Variants in SPRED1 observed in about 807,000 individuals in gnomAD.
The protein encoded by SPRED1 is sprouty related EVH1 domain containing 1.
SPRED1 carries 18 observed loss-of-function variants against 52.3 expected under a neutral mutation model. The ratio of observed to expected loss-of-function variants is 0.34; its 90% CI spans 0.24 to 0.51. The LOEUF (loss-of-function observed/expected upper bound fraction) is 0.51. SPRED1 is among the 20% of genes least tolerant of loss of function. The pLI is 0.97. For synonymous variants in SPRED1, 155 were observed against 179.7 expected, an observed-to-expected ratio of 0.86 and a Z score of 1.10; for missense variants, 485 against 551.0, an observed-to-expected ratio of 0.88 and a Z score of 1.20.
intron 5 of SPRED1, among the ~76,000 whole-genome samples, chr15:38,340,100 A>T (rs963294237): frequency 6.6e-6 from 1 of 152,174 alleles, no homozygotes; most frequent in Non-Finnish European, 1.5e-5. Flanking sequence ...ATAAAGTCCT[A>T]TATGGGTGTA....
intron 4 of SPRED1, among the ~76,000 whole-genome samples, chr15:38,331,507 A>T (rs542195889): frequency 2.6e-5 from 4 of 152,150 alleles, no homozygotes; most frequent in Admixed American, 6.6e-5. Context: ...CCAAATTAAG[A>T]AAGTGTTTTG....
chr15:38,350,980 C>T (rs1888470090), intron 6 of SPRED1, 34 bp from the exon 7 acceptor site: 1 of 1,595,404 alleles, frequency 6.3e-7, no homozygotes, highest in Non-Finnish European at 8.5e-7. Flanking sequence ...ACCATCATAG[C>T]CCTCATTGCA....
At chr15:38,298,142 A>T (rs751904735) in intron 1 of SPRED1, among the ~76,000 whole-genome samples, 3 of 152,214 alleles carry the variant, frequency 2.0e-5, no homozygotes, top group Non-Finnish European at 4.4e-5. Flanking sequence ...TGGAAATAGA[A>T]ATTTAAAACG....
intron 1 of SPRED1, among the ~76,000 whole-genome samples, chr15:38,285,794 G>A (rs139500779): frequency 2.6e-4 from 40 of 152,294 alleles, no homozygotes; most frequent in Non-Finnish European, 4.7e-4. Context: ...TGTTTTTCAA[G>A]TTACCTTTTC....
chr15:38,320,926 G>A (rs2140993849), intron 2 of SPRED1, among the ~76,000 whole-genome samples: 1 of 152,204 alleles, frequency 6.6e-6, no homozygotes, highest in Non-Finnish European at 1.5e-5. Context: ...TAACTGTCCT[G>A]GAATGGATCC....
intron 1 of SPRED1, among the ~76,000 whole-genome samples, chr15:38,265,133 CA>C (rs1316114080): frequency 6.6e-6 from 1 of 152,104 alleles, no homozygotes; most frequent in Admixed American, 6.5e-5. Context: ...CTGGTGTTCA[CA>C]ACTAACATAA....
At chr15:38,287,888 C>T (rs938561116) in intron 1 of SPRED1, among the ~76,000 whole-genome samples, 1 of 152,014 alleles carries the variant, frequency 6.6e-6, no homozygotes, top group Non-Finnish European at 1.5e-5. Flanking sequence ...ATCAGGAAAA[C>T]CTTTCTTCTC....
intron 1 of SPRED1, among the ~76,000 whole-genome samples, chr15:38,279,588 C>G (rs1219870879): frequency 6.6e-6 from 1 of 152,160 alleles, no homozygotes; most frequent in Non-Finnish European, 1.5e-5. Context: ...AGATCAAGGT[C>G]CAGCTCTTTT....
intron 1 of SPRED1, among the ~76,000 whole-genome samples, chr15:38,284,464 CAT>C (rs1384077929): frequency 2.0e-5 from 3 of 151,968 alleles, no homozygotes; most frequent in African/African-American, 7.2e-5. Context: ...TATATGATAA[CAT>C]GTTTTTTCCT....
rs1180625363 is a variant in SPRED1 at position 38,356,667 on chromosome 15, A to G, written c.*5003A>G. 1 of 152,094 alleles carries G rather than the reference A, an allele frequency of 6.6e-6. No homozygotes were observed. Among genetic ancestry groups the G allele is most frequent in the East Asian group, 1.9e-4 (1 of 5,198 alleles). 9.4% of individuals were successfully genotyped at this position (152,094 alleles called of 1,614,324 possible). Reference sequence around the variant, plus strand: ...TTTTTTTTAAGTCTCTAAGCTAATAATGTTATATTTATTGGTTTGGTAACA... The same window carrying G: ...TTTTTTTTAAGTCTCTAAGCTAATAGTGTTATATTTATTGGTTTGGTAACA... On this transcript the variant is annotated 3_prime_UTR_variant, in exon 7 of 7. Transcript: ENST00000299084.
intron 4 of SPRED1, among the ~76,000 whole-genome samples, chr15:38,335,222 T>G (rs957713285): frequency 2.0e-5 from 3 of 152,088 alleles, no homozygotes; most frequent in Non-Finnish European, 4.4e-5. Flanking sequence ...CTAATACTTA[T>G]TCTCCTCCCT....
intron 5 of SPRED1, among the ~76,000 whole-genome samples, chr15:38,346,780 T>C (rs1427804757): frequency 2.0e-5 from 3 of 152,212 alleles, no homozygotes; most frequent in African/African-American, 2.4e-5. Flanking sequence ...ACTTTTTACA[T>C]TGATGTGCTA....
At chr15:38,273,582 G>A (rs1279236403) in intron 1 of SPRED1, among the ~76,000 whole-genome samples, 5 of 144,146 alleles carry the variant, frequency 3.5e-5, no homozygotes, top group African/African-American at 1.0e-4. Context: ...TTTCCTATAG[G>A]ATGTGTAGGA....
At chr15:38,295,650 A>G (rs2140975529) in intron 1 of SPRED1, among the ~76,000 whole-genome samples, 1 of 152,332 alleles carries the variant, frequency 6.6e-6, no homozygotes, top group East Asian at 1.9e-4. Context: ...AGTTGAATAC[A>G]TATTATGTTT....
chr15:38,340,678 AC>A (rs1286247734), intron 5 of SPRED1, among the ~76,000 whole-genome samples: 1 of 152,004 alleles, frequency 6.6e-6, no homozygotes, highest in Non-Finnish European at 1.5e-5. Flanking sequence ...GATTACAGGC[AC>A]CTGCCACCAC....
At chr15:38,253,290 C>T (rs1894022087) in intron 1 of SPRED1, 73 bp downstream of exon 1, 3 of 1,453,274 alleles carry the variant, frequency 2.1e-6, no homozygotes, top group African/African-American at 1.4e-5. Flanking sequence ...CAGACCCATC[C>T]GAAACTTGGG....
intron 4 of SPRED1, among the ~76,000 whole-genome samples, chr15:38,339,120 CTTAATAT>C (rs1439138941): frequency 6.6e-6 from 1 of 151,564 alleles, no homozygotes; most frequent in African/African-American, 2.4e-5. Flanking sequence ...ATTTTACTTA[CTTAATAT>C]TTATTTTATA....
At chr15:38,336,710 G>A (rs564775193) in intron 4 of SPRED1, among the ~76,000 whole-genome samples, 11 of 151,862 alleles carry the variant, frequency 7.2e-5, no homozygotes, top group South Asian at 2.1e-4. Context: ...GTTCTCACTC[G>A]TTCTCACTCA....
rs1566859698 is a variant in SPRED1, at chr15:38,299,359, TG to T, written c.33-13del. On this transcript the variant is annotated splice_polypyrimidine_tract_variant and intron_variant, in intron 1 of 6. Transcript: ENST00000299084. Reference sequence around the variant, plus strand: ...TATGGAAAAGCTAATTCCTGATCTTTGCATCTATTTTAGTAATAGTTATGCA... The same window carrying T: ...TATGGAAAAGCTAATTCCTGATCTTTCATCTATTTTAGTAATAGTTATGCA... The T allele has an allele frequency of 1.2e-6, 2 of 1,613,762 alleles. No homozygotes were observed. The highest frequency in any genetic ancestry group is 1.7e-6 in the Non-Finnish European group (2 of 1,179,746).
Sources: gnomAD v4.1 joint callset for allele counts (sites outside exome capture counted in the v4.1 genomes callset) on GRCh38, gnomAD v4.1.1 for gene constraint, MANE v1.5 for transcripts, NCBI Gene and HGNC (gene_info 2026-07-23, HGNC 2026-07-21) for gene names.